Variants in KCNB2 observed in about 807,000 individuals in gnomAD.
KCNB2 encodes delayed rectifier potassium channel protein.
Under a neutral mutation model 61.5 loss-of-function variants are expected in KCNB2, and 15 were observed. That is an observed-to-expected ratio of 0.24 (90% CI 0.16 to 0.38). The LOEUF (loss-of-function observed/expected upper bound fraction) is 0.38, where lower values mean the gene tolerates loss of function less well. KCNB2 is among the 10% of genes least tolerant of loss of function. The probability of loss-of-function intolerance (pLI) is 1.00; values close to 1 mark genes in which losing one functional copy is unlikely to be tolerated. For missense variants in KCNB2, 828 were observed against 1,125.2 expected, an observed-to-expected ratio of 0.74 and a Z score of 3.78; for synonymous variants, 457 against 446.0, an observed-to-expected ratio of 1.02 and a Z score of -0.31.
At chr8:72,920,021 A>G (rs953947827) in intron 2 of KCNB2, among the ~76,000 whole-genome samples, 7 of 152,188 alleles carry the variant, frequency 4.6e-5, no homozygotes, top group African/African-American at 1.7e-4. Flanking sequence ...CCAGATGAGC[A>G]ATAGAATTGA....
At chr8:72,886,755 G>A (rs560419422) in intron 2 of KCNB2, among the ~76,000 whole-genome samples, 7 of 152,338 alleles carry the variant, frequency 4.6e-5, no homozygotes, top group Non-Finnish European at 8.8e-5. Flanking sequence ...CAAAATAGTA[G>A]CGATTTAAAC....
intron 2 of KCNB2, among the ~76,000 whole-genome samples, chr8:72,733,297 G>A (rs923746921): frequency 1.1e-4 from 16 of 152,118 alleles, no homozygotes; most frequent in African/African-American, 3.9e-4. Context: ...AAGCCAACTA[G>A]ATTCAAGAAT....
At chr8:72,618,326 A>T (rs1805653294) in intron 2 of KCNB2, among the ~76,000 whole-genome samples, 1 of 151,830 alleles carries the variant, frequency 6.6e-6, no homozygotes, top group African/African-American at 2.4e-5. Flanking sequence ...AATCAGAGAA[A>T]CTCTCCTTCT....
chr8:72,646,762 G>A (rs188229439), intron 2 of KCNB2, among the ~76,000 whole-genome samples: 12 of 152,270 alleles, frequency 7.9e-5, no homozygotes, highest in African/African-American at 2.4e-4. Context: ...TAGTGAGTAT[G>A]AGGTGTTTGA....
At chr8:72,817,297 C>T (rs1196743646) in intron 2 of KCNB2, among the ~76,000 whole-genome samples, 8 of 152,100 alleles carry the variant, frequency 5.3e-5, no homozygotes, top group African/African-American at 1.2e-4. Flanking sequence ...CCCTTCTCGC[C>T]GTACACCCCC....
intron 2 of KCNB2, among the ~76,000 whole-genome samples, chr8:72,809,165 T>A (rs1563391453): frequency 6.6e-6 from 1 of 152,190 alleles, no homozygotes; most frequent in Non-Finnish European, 1.5e-5. Context: ...CCTTTAGATC[T>A]AGTAAGGTAC....
At chr8:72,620,347 A>G (rs1805696073) in intron 2 of KCNB2, among the ~76,000 whole-genome samples, 1 of 152,246 alleles carries the variant, frequency 6.6e-6, no homozygotes, top group Admixed American at 6.5e-5. Flanking sequence ...GCCGTTTTAT[A>G]GCACATGCTG....
At chr8:72,578,370 A>T (rs1462842469) in intron 2 of KCNB2, among the ~76,000 whole-genome samples, 2 of 152,246 alleles carry the variant, frequency 1.3e-5, no homozygotes, top group African/African-American at 2.4e-5. Context: ...AATATGAAAT[A>T]GTAGGCCAGA....
At chr8:72,592,641 A>C (rs562744769) in intron 2 of KCNB2, among the ~76,000 whole-genome samples, 19 of 152,168 alleles carry the variant, frequency 1.2e-4, no homozygotes, top group Non-Finnish European at 2.4e-4. Flanking sequence ...TTCAAGAGTC[A>C]ATGTGCAATT....
At chr8:72,743,471 C>T (rs892948276) in intron 2 of KCNB2, among the ~76,000 whole-genome samples, 6 of 152,178 alleles carry the variant, frequency 3.9e-5, no homozygotes, top group African/African-American at 1.4e-4. Context: ...ATGCCAATTT[C>T]CCTTTAAAAG....
At chr8:72,561,703 ATATATATATATATATATATATATAT>A (rs1806517204) in intron 1 of KCNB2, among the ~76,000 whole-genome samples, 1 of 20,544 alleles carries the variant, frequency 4.9e-5, no homozygotes, top group Non-Finnish European at 7.1e-5. Context: ...ATATATATAT[ATATATATATATATATATATATATAT>A]CTATATCTAT....
At chr8:72,665,781 A>G (rs1163254598) in intron 2 of KCNB2, among the ~76,000 whole-genome samples, 1 of 152,240 alleles carries the variant, frequency 6.6e-6, no homozygotes, top group African/African-American at 2.4e-5. Flanking sequence ...TTCTATTCAG[A>G]TGATTATGTT....
At chr8:72,675,694 C>CTGGG (rs1806642424) in intron 2 of KCNB2, among the ~76,000 whole-genome samples, 1 of 152,064 alleles carries the variant, frequency 6.6e-6, no homozygotes, top group African/African-American at 2.4e-5. Flanking sequence ...GCTGGGATTA[C>CTGGG]AGGCACGAAC....
chr8:72,900,899 T>A (rs1186596223), intron 2 of KCNB2, among the ~76,000 whole-genome samples: 2 of 152,172 alleles, frequency 1.3e-5, no homozygotes, highest in Non-Finnish European at 2.9e-5. Flanking sequence ...TTGGTAGGAA[T>A]GTAATTGGTT....
intron 2 of KCNB2, among the ~76,000 whole-genome samples, chr8:72,610,999 A>G (rs1805528489): frequency 6.6e-6 from 1 of 152,226 alleles, no homozygotes; most frequent in African/African-American, 2.4e-5. Flanking sequence ...CATTGACTTT[A>G]TCACTGACCT....
intron 2 of KCNB2, among the ~76,000 whole-genome samples, chr8:72,758,608 T>C (rs1190116385): frequency 6.6e-6 from 1 of 152,256 alleles, no homozygotes; most frequent in African/African-American, 2.4e-5. Context: ...ATCTGCTCCA[T>C]GTTTATTACA....
chr8:72,644,923 A>T (rs1004085777), intron 2 of KCNB2, among the ~76,000 whole-genome samples: 3 of 152,198 alleles, frequency 2.0e-5, no homozygotes, highest in Non-Finnish European at 2.9e-5. Context: ...GGTGATAGGC[A>T]TGTTGGCTTT....
chr8:72,668,041 A>G (rs201811289), intron 2 of KCNB2, among the ~76,000 whole-genome samples: 1 of 152,242 alleles, frequency 6.6e-6, no homozygotes, highest in Non-Finnish European at 1.5e-5. Context: ...TTATTGTGAC[A>G]AAAGGATTTG....
intron 2 of KCNB2, among the ~76,000 whole-genome samples, chr8:72,900,681 C>T (rs1001820102): frequency 2.6e-5 from 4 of 151,986 alleles, no homozygotes; most frequent in Non-Finnish European, 5.9e-5. Context: ...AAAAAATGGG[C>T]AAAAGACATG....
Sources: allele counts gnomAD v4.1 joint callset (sites outside exome capture counted in the v4.1 genomes callset), GRCh38; gene constraint gnomAD v4.1.1; transcripts MANE v1.5; gene names NCBI Gene and HGNC (gene_info 2026-07-23, HGNC 2026-07-21).